Variants in BICDL1 observed in about 807,000 individuals in gnomAD.
BICDL1 encodes BICD family like cargo adaptor 1.
In BICDL1, 20 loss-of-function variants were observed where a neutral mutation model predicts 76.8. The ratio of observed to expected loss-of-function variants is 0.26; its 90% confidence interval spans 0.18 to 0.38. The LOEUF (loss-of-function observed/expected upper bound fraction) is 0.38. Among genes scored for constraint, BICDL1 ranks in the 10% least tolerant of loss-of-function variants. The pLI is 1.00. For missense variants in BICDL1, 700 were observed against 798.6 expected (o/e 0.88, Z 1.49); for synonymous variants, 383 against 337.1 (o/e 1.14, Z -1.49).
In BICDL1 at chr12:120,093,173, T is replaced by G. The variant is rs1358537475; in HGVS notation, c.*12T>G. 1.3e-6 allele frequency: 2 copies of G among 1,574,400 alleles called. No homozygotes were observed. The highest frequency in any genetic ancestry group is 1.7e-6 in the Non-Finnish European group (2 of 1,159,414). On this transcript the variant is annotated 3_prime_UTR_variant, in exon 10 of 10. Coordinates refer to ENST00000548673, the MANE Select transcript of BICDL1 (RefSeq NM_001367886.1). ...TCAGGAAAATTTAAGTTGGGAGGAG[T>G]CAGGCCACCAAAGATGGGTGGACTG... is the stretch of plus-strand genomic sequence containing the variant.
intron 2 of BICDL1, among the ~76,000 whole-genome samples, chr12:120,006,712 A>G (rs779397049): frequency 2.6e-5 from 4 of 152,208 alleles, no homozygotes; most frequent in Non-Finnish European, 5.9e-5. Context: ...GGCTGCTATG[A>G]CTGGGGTGTG....
At chr12:119,991,214 A>G (rs762428683) in intron 1 of BICDL1, among the ~76,000 whole-genome samples, 1 of 152,120 alleles carries the variant, frequency 6.6e-6, no homozygotes, top group Non-Finnish European at 1.5e-5. Context: ...TGCGTTTACT[A>G]TTATTGTTAC....
chr12:120,075,281 C>G (rs771005216), intron 7 of BICDL1, among the ~76,000 whole-genome samples: 1 of 152,166 alleles, frequency 6.6e-6, no homozygotes, highest in Non-Finnish European at 1.5e-5. Flanking sequence ...AAACCTTGCT[C>G]CTGCCCCTGT....
At chr12:119,990,765 G>A (rs529839691) in intron 1 of BICDL1, among the ~76,000 whole-genome samples, 1 of 152,330 alleles carries the variant, frequency 6.6e-6, no homozygotes, top group Non-Finnish European at 1.5e-5. Flanking sequence ...AGAGTTGTGG[G>A]AAACAAGTGC....
At chr12:120,077,229 C>A (rs764440276) in intron 7 of BICDL1, among the ~76,000 whole-genome samples, 1 of 152,328 alleles carries the variant, frequency 6.6e-6, no homozygotes, top group Non-Finnish European at 1.5e-5. Flanking sequence ...TTAATTTGAC[C>A]GGTAATTATT....
chr12:119,996,950 A>T (rs7978779), intron 1 of BICDL1, among the ~76,000 whole-genome samples: 120 of 121,456 alleles, frequency 9.9e-4, no homozygotes, highest in Middle Eastern at 3.9e-3. Flanking sequence ...AAACAAAAAG[A>T]TTTTTTTTTT....
chr12:120,087,721 C>T (rs1874544428), intron 8 of BICDL1, among the ~76,000 whole-genome samples: 1 of 152,220 alleles, frequency 6.6e-6, no homozygotes, highest in Non-Finnish European at 1.5e-5. Context: ...CCTTTATTCC[C>T]GTTCCCCTGC....
intron 1 of BICDL1, 107 bp downstream of exon 1, chr12:119,990,404 C>T: frequency 2.7e-6 from 4 of 1,496,242 alleles, no homozygotes; most frequent in Non-Finnish European, 2.7e-6. Context: ...GCTCACCCTA[C>T]CTCGCAGAAA....
intron 3 of BICDL1, among the ~76,000 whole-genome samples, chr12:120,063,525 CGTA>C (rs1395101462): frequency 7.7e-6 from 1 of 130,336 alleles, no homozygotes; most frequent in Non-Finnish European, 1.5e-5. Context: ...AAGTGTATCT[CGTA>C]GGACTGAAAC....
chr12:120,077,913 T>C (rs1873685502), intron 7 of BICDL1, among the ~76,000 whole-genome samples: 1 of 152,152 alleles, frequency 6.6e-6, no homozygotes, highest in East Asian at 1.9e-4. Flanking sequence ...CCTTGAGCTG[T>C]TGTGGCTGTG....
chr12:120,009,483 C>G (rs555892478), intron 2 of BICDL1, among the ~76,000 whole-genome samples: 2 of 151,630 alleles, frequency 1.3e-5, no homozygotes, highest in South Asian at 2.1e-4. Context: ...AGATCTTTTT[C>G]ATGCTTCTAG....
At chr12:120,075,004 C>T (rs555830186) in intron 7 of BICDL1, among the ~76,000 whole-genome samples, 1 of 152,234 alleles carries the variant, frequency 6.6e-6, no homozygotes, top group Non-Finnish European at 1.5e-5. Flanking sequence ...TCAGCCTGTT[C>T]TTCTGCTTTA....
At chr12:120,053,534 C>G (rs920276575) in intron 2 of BICDL1, among the ~76,000 whole-genome samples, 3 of 152,148 alleles carry the variant, frequency 2.0e-5, no homozygotes, top group Non-Finnish European at 2.9e-5. Context: ...TTAAATGGTC[C>G]TTGCCTTAGC....
chr12:119,998,423 A>G (rs966265288), intron 1 of BICDL1, 98 bp from the exon 2 acceptor site: 4 of 1,009,716 alleles, frequency 4.0e-6, no homozygotes, highest in African/African-American at 3.3e-5. Flanking sequence ...TATTGTGTCT[A>G]CTGACTAGGA....
chr12:120,056,007 A>G lies in BICDL1; in HGVS notation c.646-5703A>G, dbSNP rs1040704491. ...TCATAATAGCAAAAAAAATTGGAAC[A>G]CTCGAAATGCTCATCAGTAGGGACT... On this transcript the variant is annotated intron_variant, in intron 2 of 9. Transcript: ENST00000548673. Among the ~76,000 whole-genome samples, 9 of 152,174 alleles carry G rather than the reference A, an allele frequency of 5.9e-5. 1 individual carries two copies. Among genetic ancestry groups the G allele is most frequent in the Admixed American group, 5.9e-4 (9 of 15,282 alleles).
At chr12:120,039,485 A>G (rs1266043037) in intron 2 of BICDL1, among the ~76,000 whole-genome samples, 1 of 151,388 alleles carries the variant, frequency 6.6e-6, no homozygotes, top group Non-Finnish European at 1.5e-5. Context: ...TAAAAATACA[A>G]AAATTAGCTG....
At chr12:120,034,509 T>A (rs185172185) in intron 2 of BICDL1, among the ~76,000 whole-genome samples, 11 of 152,330 alleles carry the variant, frequency 7.2e-5, no homozygotes, top group African/African-American at 2.4e-4. Flanking sequence ...TGACCCGTTT[T>A]GGGATGTAAG....
intron 4 of BICDL1, among the ~76,000 whole-genome samples, chr12:120,067,250 C>T (rs1953240560): frequency 6.6e-6 from 1 of 152,230 alleles, no homozygotes; most frequent in Admixed American, 6.5e-5. Flanking sequence ...GGCCTAGTCC[C>T]AGCGACTGGG....
chr12:120,049,476 A>G (rs1372256475), intron 2 of BICDL1, among the ~76,000 whole-genome samples: 1 of 152,196 alleles, frequency 6.6e-6, no homozygotes, highest in African/African-American at 2.4e-5. Context: ...TAGGGGAACC[A>G]AGTGTTTTCT....
Sources: gnomAD v4.1 joint callset for allele counts (sites outside exome capture counted in the v4.1 genomes callset) on GRCh38, gnomAD v4.1.1 for gene constraint, MANE v1.5 for transcripts, NCBI Gene and HGNC (gene_info 2026-07-23, HGNC 2026-07-21) for gene names.